The following ACACB variants were observed in gnomAD, a reference collection of about 807,000 sequenced individuals.
The protein encoded by ACACB is acetyl-CoA carboxylase 2.
A neutral mutation model predicts 278.8 loss-of-function variants in ACACB; 209 were observed. The observed-to-expected ratio is 0.75, with a 90% confidence interval of 0.67 to 0.84. The LOEUF is 0.84. Among genes scored for constraint, ACACB ranks in the 40% least tolerant of loss-of-function variants. The probability of loss-of-function intolerance (pLI) is 0.00; values close to 1 mark genes in which losing one functional copy is unlikely to be tolerated. For missense variants in ACACB, 2,850 were observed against 3,269.0 expected (o/e 0.87, Z 3.13); for synonymous variants, 1,174 against 1,285.6 (o/e 0.91, Z 1.86).
Position 109,181,139 on chromosome 12 carries a change from G to A in ACACB, c.1818+1052G>A, listed in dbSNP as rs566282939. 3.4e-4 allele frequency among the ~76,000 whole-genome samples: 52 copies of A among 151,278 alleles called. 1 individual carries two copies. In the South Asian group the frequency reaches 0.01, roughly 30 times the overall value. ...CATAATGTTCTCCAGTTCCATCCAC[G>A]TTGTTGCAAATCATGGTCTCATTCT... On this transcript the variant is annotated intron_variant, in intron 11 of 52. Transcript: ENST00000338432.
rs145149502 is a variant in ACACB, at chr12:109,144,316, A to T, written c.653+4258A>T. Among the ~76,000 whole-genome samples, 880 of 152,254 alleles carry T rather than the reference A, an allele frequency of 5.8e-3. 7 individuals carry two copies. The highest frequency in any genetic ancestry group is 0.02 in the African/African-American group (822 of 41,554). ...CAACAGAGTGAGACTCTGTCTCAAT[A>T]AATAAATAAATAAATAAAATGAGGC... is the stretch of plus-strand genomic sequence containing the variant. On this transcript the variant is annotated intron_variant, in intron 2 of 52. Coordinates refer to ENST00000338432, the MANE Select transcript of ACACB (RefSeq NM_001093.4).
intron 9 of ACACB, 114 bp downstream of exon 9, chr12:109,176,377 T>A: frequency 2.1e-6 from 2 of 952,546 alleles, no homozygotes; most frequent in Non-Finnish European, 3.3e-6. Context: ...TTGTAGGAGC[T>A]GGATGTATCG....
rs59371391 is a variant in ACACB at position 109,171,013 on chromosome 12, A to ATTT, written c.926-773_926-771dup. ...CACCATTCCTGGCTACTTTTTTTGG[A>ATTT]TTTTTTTTTTTTTTTTTTTTTGTGG... On this transcript the variant is annotated intron_variant, in intron 4 of 52. Transcript: ENST00000338432. 8.4e-3 allele frequency among the ~76,000 whole-genome samples: 897 copies of ATTT among 106,442 alleles called. 29 individuals carry two copies. The highest frequency in any genetic ancestry group is 0.018 in the Middle Eastern group (3 of 170). 69.8% of individuals were successfully genotyped at this position (106,442 alleles called of 152,430 possible).
At chr12:109,179,355 A>G in intron 10 of ACACB, 58 bp downstream of exon 10, 1 of 1,546,626 alleles carries the variant, frequency 6.5e-7, no homozygotes, top group Non-Finnish European at 8.8e-7. Context: ...GCTCAGAGTC[A>G]GGAAGAACTT....
intron 2 of ACACB, among the ~76,000 whole-genome samples, chr12:109,165,571 G>A (rs1313148645): frequency 1.3e-5 from 2 of 151,870 alleles, no homozygotes; most frequent in Non-Finnish European, 2.9e-5. Flanking sequence ...ACTAAGTAAA[G>A]GAAAAAAATC....
intron 33 of ACACB, among the ~76,000 whole-genome samples, chr12:109,236,921 G>A (rs542637374): frequency 6.6e-6 from 1 of 152,202 alleles, no homozygotes; most frequent in South Asian, 2.1e-4. Context: ...CCAGGAGCCA[G>A]CGCTGCACCC....
Position 109,252,098 on chromosome 12 carries a change from G to A in ACACB, c.5843G>A (p.Arg1948Gln), listed in dbSNP as rs748501859. The A allele has an allele frequency of 7.4e-6, 12 of 1,613,496 alleles. No individual in the cohort carries two copies. Among genetic ancestry groups the A allele is most frequent in the African/African-American group, 1.3e-5 (1 of 74,914 alleles). Reference sequence around the variant, plus strand: ...GCCTACTTGGTGAGGCTGGGCCAGCGAGTGATCCAGGTGGAGAATTCCCAC... The same window carrying A: ...GCCTACTTGGTGAGGCTGGGCCAGCAAGTGATCCAGGTGGAGAATTCCCAC... ...IGAYLVRLGQRVIQVENSHII... is the reference protein window; with the variant it reads ...IGAYLVRLGQQVIQVENSHII... Residue 1948 changes from arginine to glutamine, a missense_variant, in exon 42 of 53, where the codon CGA becomes CAA. Coordinates refer to ENST00000338432, the MANE Select transcript of ACACB (RefSeq NM_001093.4).
rs2044979162 is a variant in ACACB at position 109,193,665 on chromosome 12, C to A, written c.2417C>A (p.Ala806Glu). The change falls in exon 16 of 53, where the codon GCG becomes GAG. Residue 806 changes from alanine to glutamate, a missense_variant. Around this residue, in one of 3 missense-constraint regions of ACACB, gnomAD observed 2,265 missense variants for 2,561.3 expected, o/e 0.88. Transcript: ENST00000338432. ...TCTTTCAGGGGCCAGGTCCTCCCAG[C>A]GGATTCACTACTGAACCTCGTAGAT... Reference protein sequence around the residue: ...HSLERGQVLPADSLLNLVDVE... With the variant: ...HSLERGQVLPEDSLLNLVDVE... 1.9e-6 allele frequency: 3 copies of A among 1,613,572 alleles called. No individual in the cohort carries two copies. Among genetic ancestry groups the A allele is most frequent in the Non-Finnish European group, 2.5e-6 (3 of 1,179,620 alleles).
At chr12:109,193,204 A>G (rs1009003493) in intron 15 of ACACB, among the ~76,000 whole-genome samples, 4 of 139,848 alleles carry the variant, frequency 2.9e-5, no homozygotes, top group Non-Finnish European at 6.0e-5. Flanking sequence ...CGTGACTTTT[A>G]ATCAGATTTA....
chr12:109,124,075 GT>G lies in ACACB; in HGVS notation c.-10+7381del, dbSNP rs137917102. Among the ~76,000 whole-genome samples, 506 of 149,550 alleles carry G rather than the reference GT, an allele frequency of 3.4e-3. 2 individuals are homozygous for G. The highest frequency in any genetic ancestry group is 0.011 in the African/African-American group (451 of 40,798). On this transcript the variant is annotated intron_variant, in intron 1 of 52. Transcript: ENST00000338432. ...TAGCACACATTTCTAAAAGACACAAGTTTTTTTTTTAAACCATTGCCATAAT... is the reference window on the plus strand; with the variant it reads ...TAGCACACATTTCTAAAAGACACAAGTTTTTTTTTAAACCATTGCCATAAT...
intron 7 of ACACB, among the ~76,000 whole-genome samples, chr12:109,174,813 T>G (rs999475767): frequency 7.2e-5 from 11 of 152,068 alleles, no homozygotes; most frequent in African/African-American, 2.7e-4. Context: ...GAGGTTACAG[T>G]GAACTATGGT....
At chr12:109,240,783 G>A (rs1340480438) in intron 35 of ACACB, among the ~76,000 whole-genome samples, 2 of 152,024 alleles carry the variant, frequency 1.3e-5, no homozygotes, top group African/African-American at 4.8e-5. Flanking sequence ...TGTAAAGATA[G>A]TATAACATAG....
intron 31 of ACACB, among the ~76,000 whole-genome samples, chr12:109,234,519 A>T (rs768999802): frequency 1.1e-4 from 16 of 152,186 alleles, no homozygotes; most frequent in Non-Finnish European, 2.2e-4. Context: ...TTTACAGTAT[A>T]CAATGTGATA....
intron 2 of ACACB, among the ~76,000 whole-genome samples, chr12:109,151,638 C>T (rs139732880): frequency 6.6e-5 from 10 of 152,288 alleles, no homozygotes; most frequent in South Asian, 4.1e-4. Flanking sequence ...CTTTCTACCA[C>T]GCTGCTGGCC....
intron 2 of ACACB, among the ~76,000 whole-genome samples, chr12:109,163,109 G>A (rs927701841): frequency 3.4e-4 from 52 of 152,220 alleles, no homozygotes; most frequent in African/African-American, 1.2e-3. Flanking sequence ...ATTTTTAGTA[G>A]AGATGGGGTT....
At chr12:109,166,835 G>T in intron 2 of ACACB, 26 bp from the exon 3 acceptor site, 2 of 1,613,732 alleles carry the variant, frequency 1.2e-6, no homozygotes, top group Non-Finnish European at 1.7e-6. Context: ...CCTCATGCAC[G>T]TCTGTCCCTC....
At chr12:109,265,795 A>G (rs1393230317) in intron 52 of ACACB, among the ~76,000 whole-genome samples, 1 of 152,192 alleles carries the variant, frequency 6.6e-6, no homozygotes, top group African/African-American at 2.4e-5. Flanking sequence ...TGGAATATGG[A>G]CTTGTCCAAA....
intron 1 of ACACB, among the ~76,000 whole-genome samples, chr12:109,125,001 A>G (rs2042643857): frequency 6.6e-6 from 1 of 152,184 alleles, no homozygotes; most frequent in African/African-American, 2.4e-5. Context: ...GGCATGAGCC[A>G]CTGTGCCCGG....
At chr12:109,250,722 T>G (rs999054169) in intron 41 of ACACB, among the ~76,000 whole-genome samples, 1 of 152,074 alleles carries the variant, frequency 6.6e-6, no homozygotes, top group Admixed American at 6.5e-5. Flanking sequence ...GTAGTAGTGG[T>G]AGTAGTGTTT....
Sources: allele counts gnomAD v4.1 joint callset (sites outside exome capture counted in the v4.1 genomes callset), GRCh38; gene constraint gnomAD v4.1.1; regional missense constraint gnomAD v4.1.1; transcripts MANE v1.5; gene names NCBI Gene and HGNC (gene_info 2026-07-23, HGNC 2026-07-21).